The following STOML1 variants were observed in gnomAD, a reference collection of about 807,000 sequenced individuals.
The protein encoded by STOML1 is stomatin-like protein 1.
STOML1 carries 27 observed loss-of-function variants against 35.7 expected under a neutral mutation model. The observed-to-expected ratio is 0.76, with a 90% CI of 0.56 to 1.04. STOML1 has a LOEUF of 1.04. STOML1 is among the 50% of genes least tolerant of loss of function. The pLI, the probability that STOML1 is intolerant of heterozygous loss-of-function variation, is 0.00. For missense variants in STOML1, 451 were observed against 527.1 expected (o/e 0.86, Z 1.41); for synonymous variants, 219 against 227.9 (o/e 0.96, Z 0.35).
chr15:73,984,078 C>T lies in STOML1; in HGVS notation c.1056G>A (p.Val352=). 2 of 1,614,032 alleles carry T rather than the reference C, an allele frequency of 1.2e-6. No homozygotes were observed. Among genetic ancestry groups the T allele is most frequent in the Non-Finnish European group, 1.7e-6 (2 of 1,179,998 alleles). Residue 352 remains valine, a synonymous_variant, in exon 7 of 7, where the codon GTG becomes GTA. Coordinates refer to ENST00000541638, the MANE Select transcript of STOML1 (RefSeq NM_004809.5). The stretch of plus-strand genomic sequence containing the variant: ...CCCGCAGGTCTGCCTCGGCCATCTC[C>T]ACCACCACATCAGGGATGCCATCAG... ...GVPDGIPDVV[V]EMAEADLRAL...
At chr15:73,993,625 A>G (rs2141687160), upstream of STOML1, among the ~76,000 whole-genome samples, 1 of 152,300 alleles carries the variant, frequency 6.6e-6, no homozygotes, top group African/African-American at 2.4e-5. Flanking sequence ...TAAGGTTTAC[A>G]AGAGCCAGGC....
chr15:73,985,163 G>C (rs1355351218), intron 5 of STOML1, among the ~76,000 whole-genome samples, 155 bp downstream of exon 5: 1 of 152,216 alleles, frequency 6.6e-6, no homozygotes, highest in African/African-American at 2.4e-5. Flanking sequence ...TACACACTCA[G>C]ACACCTGGCC....
intron 1 of STOML1, 134 bp downstream of exon 1, chr15:73,991,957 A>G: frequency 7.5e-7 from 1 of 1,335,352 alleles, no homozygotes; most frequent in South Asian, 1.5e-5. Context: ...CCCTCTCCAC[A>G]TCGTATCCCT....
In STOML1 at chr15:73,985,467, CG is replaced by C; in HGVS notation, c.640del (p.Arg214AlafsTer38). 3 of 1,541,706 alleles carry C rather than the reference CG, an allele frequency of 1.9e-6. No homozygotes were observed. Among genetic ancestry groups the C allele is most frequent in the Non-Finnish European group, 2.6e-6 (3 of 1,147,504 alleles). On this transcript the variant is annotated frameshift_variant, in exon 5 of 7. Transcript: ENST00000541638. LOFTEE classifies it high-confidence loss of function. ...VTRAWGLEVD[R>X]VELAVEAVLQ... The stretch of plus-strand genomic sequence containing the variant: ...CACGGCCTCCACTGCCAGCTCCACG[CG>C]GTCTACCTCCAGCCCCCAGGCCCTG...
intron 1 of STOML1, chr15:73,991,784 AC>A (rs1184353439): frequency 1.7e-6 from 1 of 575,728 alleles, no homozygotes; most frequent in Non-Finnish European, 3.2e-6. Flanking sequence ...CGAAATAGAA[AC>A]CTGAAACGTC....
upstream of STOML1, chr15:73,992,337 C>T: frequency 1.6e-6 from 2 of 1,256,158 alleles, no homozygotes; most frequent in Non-Finnish European, 2.0e-6. Flanking sequence ...GCGCGGCCAC[C>T]CGCGGCGGCG....
At chr15:73,994,280 C>T (rs914150592), upstream of STOML1, among the ~76,000 whole-genome samples, 3 of 152,208 alleles carry the variant, frequency 2.0e-5, no homozygotes, top group African/African-American at 7.2e-5. Context: ...CCCCGTACCC[C>T]ACCACCTACA....
Position 73,990,378 on chromosome 15 carries a change from G to A in STOML1, c.213C>T (p.Phe71=). 1.2e-6 allele frequency: 2 copies of A among 1,614,184 alleles called. No individual in the cohort carries two copies. The highest frequency in any genetic ancestry group is 1.3e-5 in the African/African-American group (1 of 75,058). ...TCAGGGCAAACCAGCCAGAAATGGGGAAGGTGACCAACAGCAGCAAGAACC... is the reference window on the plus strand; with the variant it reads ...TCAGGGCAAACCAGCCAGAAATGGGAAAGGTGACCAACAGCAGCAAGAACC... ...FLGFLLLLVT[F]PISGWFALKI... is the part of the protein sequence containing the mutation. Residue 71 remains phenylalanine, a synonymous_variant, in exon 2 of 7, where the codon TTC becomes TTT. Transcript: ENST00000541638.
Position 73,984,830 on chromosome 15 carries a change from G to A in STOML1, c.832C>T (p.Pro278Ser), listed in dbSNP as rs2069038698. Residue 278 changes from proline (P) to serine (S), a missense_variant, in exon 6 of 7, where the codon CCT (proline) becomes TCT (serine). Transcript: ENST00000541638. ...GGACTGGACCTGGCACCAACTTGAG[G>A]GGCAGGTGGCTCAACTTCACTCACC... ...EMVSEVEPPA[P>S]QVGARSSPKQ... 6.2e-7 allele frequency: 1 copy of A among 1,613,960 alleles called. No individual in the cohort carries two copies. The highest frequency in any genetic ancestry group is 8.5e-7 in the Non-Finnish European group (1 of 1,180,030).
intron 4 of STOML1, 29 bp from the exon 5 acceptor site, chr15:73,985,542 T>A: frequency 2.6e-6 from 4 of 1,534,218 alleles, no homozygotes; most frequent in Non-Finnish European, 3.5e-6. Flanking sequence ...AGAAATGTAA[T>A]TAATTCAACA....
Position 73,988,776 on chromosome 15 carries a change from C to T in STOML1, c.417G>A (p.Leu139=). Residue 139 remains leucine, a synonymous_variant, in exon 4 of 7, where the codon CTG becomes CTA. Coordinates refer to ENST00000541638, the MANE Select transcript of STOML1 (RefSeq NM_004809.5). The surrounding 1 kb of genome is among the most constrained non-coding windows in gnomAD (Gnocchi z 4.8). ...GAAACTGGACATCGGCTCCCACGGA[C>T]AGCACAGCCCCGTCCTTAGAGGCCA... ...CKLASKDGAV[L]SVGADVQFRI... 6.2e-7 allele frequency: 1 copy of T among 1,613,896 alleles called. No homozygotes were observed. Among genetic ancestry groups the T allele is most frequent in the Non-Finnish European group, 8.5e-7 (1 of 1,179,774 alleles).
upstream of STOML1, chr15:73,992,369 G>T (rs1485116749): frequency 4.2e-6 from 4 of 958,198 alleles, no homozygotes; most frequent in East Asian, 1.1e-4. Context: ...AGAGGAGGCC[G>T]GCCGGGGCCC....
rs1481713186 is a variant in STOML1 at position 73,989,177 on chromosome 15, G to C, written c.321C>G (p.Leu107=). The C allele has an allele frequency of 1.2e-6, 2 of 1,613,224 alleles. No homozygotes were observed. Among genetic ancestry groups the C allele is most frequent in the South Asian group, 2.2e-5 (2 of 90,924 alleles). Residue 107 remains leucine (L), a synonymous_variant, in exon 3 of 7, where the codon CTC becomes CTG. Coordinates refer to ENST00000541638, the MANE Select transcript of STOML1 (RefSeq NM_004809.5). ...TCTGAAAGGAGTCAATGAAGGGCAAGAGCAGAACCATGCCAGGTCCCTGGG... is the reference window on the plus strand; with the variant it reads ...TCTGAAAGGAGTCAATGAAGGGCAACAGCAGAACCATGCCAGGTCCCTGGG... ...RTPQGPGMVL[L]LPFIDSFQRV... is the part of the protein sequence containing the mutation.
Position 73,985,364 on chromosome 15 carries a change from TC to T in STOML1, c.743del (p.Gly248GlufsTer4). On this transcript the variant is annotated frameshift_variant, in exon 5 of 7. Transcript: ENST00000541638. LOFTEE classifies it high-confidence loss of function. ...TLQQLALHFL[G>X]GSMNSMAGGA... ...CTCCTGCCATTGAGTTCATGCTTCCTCCCAGGAAGTGCAGGGCCAGCTGCTG... is the reference window on the plus strand; with the variant it reads ...CTCCTGCCATTGAGTTCATGCTTCCTCCAGGAAGTGCAGGGCCAGCTGCTG... The T allele has an allele frequency of 6.4e-7, 1 of 1,562,148 alleles. No individual in the cohort carries two copies. The highest frequency in any genetic ancestry group is 2.1e-5 in the Admixed American group (1 of 47,136).
At chr15:73,990,876 C>T (rs1483552633) in intron 1 of STOML1, 1 of 1,535,548 alleles carries the variant, frequency 6.5e-7, no homozygotes, top group Non-Finnish European at 8.7e-7. Flanking sequence ...GCTGGCAAAA[C>T]ACATTCCTCC....
chr15:73,980,373 T>C lies in STOML1; in HGVS notation c.*3564A>G, dbSNP rs574099906. On this transcript the variant is annotated 3_prime_UTR_variant, in exon 7 of 7. Transcript: ENST00000541638. Reference sequence around the variant, plus strand: ...ATTTAAAATAGCAAAACACAAGAAATAATCAAAATGTCTATCGGTCCACGA... The same window carrying C: ...ATTTAAAATAGCAAAACACAAGAAACAATCAAAATGTCTATCGGTCCACGA... 3 of 152,162 alleles carry C rather than the reference T, an allele frequency of 2.0e-5. No individual in the cohort carries two copies. In the South Asian group the frequency reaches 6.2e-4, roughly 32 times the overall value. The allele number at this position is 152,162 out of a possible 1,614,324, so 9.4% of individuals were successfully genotyped here.
Position 73,982,192 on chromosome 15 carries a change from A to G in STOML1, c.*1745T>C, listed in dbSNP as rs1168667687. 6.5e-6 allele frequency: 1 copy of G among 152,782 alleles called. No homozygotes were observed. The highest frequency in any genetic ancestry group is 1.9e-4 in the East Asian group (1 of 5,212). 9.5% of individuals were successfully genotyped at this position (152,782 alleles called of 1,614,324 possible). On this transcript the variant is annotated 3_prime_UTR_variant, in exon 7 of 7. Coordinates refer to ENST00000541638, the MANE Select transcript of STOML1 (RefSeq NM_004809.5). ...TCCCAGTCCAGCAGGGAGGGCAGCC[A>G]TATATGCAAGGAGCAGAAACACACA...
In STOML1 at chr15:73,992,271, T is replaced by A; in HGVS notation, c.-48A>T. The A allele has an allele frequency of 1.3e-6, 2 of 1,560,406 alleles. No individual in the cohort carries two copies. The highest frequency in any genetic ancestry group is 1.7e-6 in the Non-Finnish European group (2 of 1,160,070). On this transcript the variant is annotated 5_prime_UTR_variant, in exon 1 of 7. Coordinates refer to ENST00000541638, the MANE Select transcript of STOML1 (RefSeq NM_004809.5). ...CCGCGCCTCCGCGCGGCGCCCTCCC[T>A]GGCCAGTGGGCCCTACGCGGCCCCG...
Position 73,983,866 on chromosome 15 carries a change from T to TC in STOML1, c.*70dup. 6.6e-7 allele frequency: 1 copy of TC among 1,508,410 alleles called. No homozygotes were observed. Among genetic ancestry groups the TC allele is most frequent in the East Asian group, 2.3e-5 (1 of 43,678 alleles). The allele number at this position is 1,508,410 out of a possible 1,614,324, so 93.4% of individuals were successfully genotyped here. On this transcript the variant is annotated 3_prime_UTR_variant, in exon 7 of 7. Transcript: ENST00000541638. ...ACTCTCTGTGGTGCAGATGAACACC[T>TC]CCTCCTCCAAGAGGCCCCTCAGGCT...
Sources: gnomAD v4.1 joint callset for allele counts (sites outside exome capture counted in the v4.1 genomes callset) on GRCh38, gnomAD v4.1.1 for gene constraint, Gnocchi (gnomAD v3.1) non-coding constraint, MANE v1.5 for transcripts, NCBI Gene and HGNC (gene_info 2026-07-23, HGNC 2026-07-21) for gene names.